MSI2: variants seen among roughly 807,000 people sequenced by gnomAD.
MSI2 encodes the protein musashi RNA binding protein 2, also known as RNA-binding protein Musashi homolog 2.
In MSI2, 17 loss-of-function variants were observed where a neutral mutation model predicts 45.6. The ratio of observed to expected loss-of-function variants is 0.37; its 90% CI spans 0.26 to 0.56. The LOEUF is 0.56. Ranked by LOEUF, MSI2 falls within the 20% of genes least tolerant of loss-of-function variation. The pLI is 0.77. For synonymous variants in MSI2, 156 were observed against 158.2 expected, an observed-to-expected ratio of 0.99 and a Z score of 0.11; for missense variants, 293 against 444.2, an observed-to-expected ratio of 0.66 and a Z score of 3.06.
chr17:57,641,933 G>T (rs1910293723), intron 10 of MSI2, among the ~76,000 whole-genome samples: 3 of 152,238 alleles, frequency 2.0e-5, no homozygotes. Flanking sequence ...CTGCTGGCCA[G>T]AGAGTGACGC....
At chr17:57,583,833 G>A (rs1320242774) in intron 7 of MSI2, among the ~76,000 whole-genome samples, 1 of 152,132 alleles carries the variant, frequency 6.6e-6, no homozygotes, top group Non-Finnish European at 1.5e-5. Flanking sequence ...TACAGATGCT[G>A]GGGTGCTACC....
At chr17:57,369,951 C>T (rs764596878) in intron 5 of MSI2, among the ~76,000 whole-genome samples, 1 of 152,162 alleles carries the variant, frequency 6.6e-6, no homozygotes, top group African/African-American at 2.4e-5. Flanking sequence ...CATTTCTTAA[C>T]AAGAATAGAA....
chr17:57,262,168 A>G lies in MSI2; in HGVS notation c.288A>G (p.Ala96=). ...TTTCCCAGATTGACCCCAAAGTTGC[A>G]TTTCCTCGTCGAGCGCAACCCAAGG... ...LDSKTIDPKV[A]FPRRAQPKMV... Residue 96 remains alanine, a synonymous_variant, in exon 5 of 14, where the codon GCA becomes GCG. Transcript: ENST00000284073. 3 of 1,614,016 alleles carry G rather than the reference A, an allele frequency of 1.9e-6. No homozygotes were observed. Among genetic ancestry groups the G allele is most frequent in the Non-Finnish European group, 1.7e-6 (2 of 1,179,962 alleles).
chr17:57,414,151 C>T (rs1304780997), intron 6 of MSI2, among the ~76,000 whole-genome samples: 2 of 152,170 alleles, frequency 1.3e-5, no homozygotes, highest in Non-Finnish European at 2.9e-5. Context: ...AATGGGAATA[C>T]GGAAGAGGGA....
chr17:57,260,779 C>G (rs1907234547), intron 4 of MSI2, among the ~76,000 whole-genome samples: 1 of 152,088 alleles, frequency 6.6e-6, no homozygotes, highest in Non-Finnish European at 1.5e-5. Context: ...CTTTAAGCCC[C>G]CGTAATAACA....
chr17:57,283,871 G>T (rs1909636928), intron 5 of MSI2, among the ~76,000 whole-genome samples: 1 of 152,220 alleles, frequency 6.6e-6, no homozygotes. Context: ...TGGCAGGTGC[G>T]TGGGGACGCA....
At chr17:57,479,783 C>T (rs2085612358) in intron 6 of MSI2, among the ~76,000 whole-genome samples, 2 of 152,146 alleles carry the variant, frequency 1.3e-5, no homozygotes, top group South Asian at 4.1e-4. Flanking sequence ...CTACTGTGGG[C>T]TAGACAGGCA....
chr17:57,458,263 G>C (rs1291827090), intron 6 of MSI2, among the ~76,000 whole-genome samples: 3 of 152,032 alleles, frequency 2.0e-5, no homozygotes, highest in African/African-American at 7.2e-5. Flanking sequence ...ACCACGCCTG[G>C]CTAATTTTTT....
intron 6 of MSI2, among the ~76,000 whole-genome samples, chr17:57,431,528 A>G (rs561235292): frequency 6.6e-6 from 1 of 152,132 alleles, no homozygotes; most frequent in Non-Finnish European, 1.5e-5. Flanking sequence ...CATGTCTTTT[A>G]TATAACCTGC....
In MSI2 at chr17:57,484,373, C is replaced by T. The variant is rs576584873; in HGVS notation, c.406-45303C>T. 6.4e-4 allele frequency among the ~76,000 whole-genome samples: 98 copies of T among 152,314 alleles called. 1 individual carries two copies. The South Asian group carries it at 0.019, about 30-fold the overall frequency. Reference sequence around the variant, plus strand: ...CTTGGAAGGCCAGTGATTTCCTGGACGTTTCACCTGGAATGTTCTGTAGAT... The same window carrying T: ...CTTGGAAGGCCAGTGATTTCCTGGATGTTTCACCTGGAATGTTCTGTAGAT... On this transcript the variant is annotated intron_variant, in intron 6 of 13. Transcript: ENST00000284073.
intron 10 of MSI2, chr17:57,631,816 AAT>A (rs1207870001): frequency 1.9e-6 from 3 of 1,613,574 alleles, no homozygotes; most frequent in African/African-American, 2.7e-5. Flanking sequence ...CACAAGACAT[AAT>A]TTTTATCAAC....
At chr17:57,561,669 A>T (rs2087578865) in intron 7 of MSI2, among the ~76,000 whole-genome samples, 1 of 152,190 alleles carries the variant, frequency 6.6e-6, no homozygotes. Context: ...TGTGAGGACG[A>T]CAGAAAGGTA....
intron 6 of MSI2, among the ~76,000 whole-genome samples, chr17:57,479,365 T>C (rs1312759584): frequency 6.6e-6 from 1 of 152,198 alleles, no homozygotes; most frequent in Non-Finnish European, 1.5e-5. Context: ...TTCCTTCTTA[T>C]GTCATCATAT....
At chr17:57,617,028 C>G (rs1374459844) in intron 9 of MSI2, among the ~76,000 whole-genome samples, 1 of 152,094 alleles carries the variant, frequency 6.6e-6, no homozygotes, top group African/African-American at 2.4e-5. Context: ...TTTGATAAGC[C>G]CTTTCTATAT....
chr17:57,345,606 G>A (rs928308430), intron 5 of MSI2, among the ~76,000 whole-genome samples: 1 of 152,062 alleles, frequency 6.6e-6, no homozygotes, highest in African/African-American at 2.4e-5. Context: ...ATCACCTGAG[G>A]TCAGGAGTTC....
chr17:57,417,600 G>A (rs2084318910), intron 6 of MSI2, among the ~76,000 whole-genome samples: 1 of 152,092 alleles, frequency 6.6e-6, no homozygotes. Context: ...ACCCATGAGT[G>A]GAACGGTAGA....
intron 5 of MSI2, among the ~76,000 whole-genome samples, chr17:57,353,614 G>C (rs1190542524): frequency 1.3e-5 from 2 of 152,180 alleles, no homozygotes; most frequent in Non-Finnish European, 2.9e-5. Flanking sequence ...TCTTGTAGGA[G>C]CATTTGCTGA....
At chr17:57,581,887 T>C (rs1053542388) in intron 7 of MSI2, among the ~76,000 whole-genome samples, 1 of 152,244 alleles carries the variant, frequency 6.6e-6, no homozygotes, top group Non-Finnish European at 1.5e-5. Context: ...AGAATGCTAA[T>C]AGAATAAAAT....
At chr17:57,568,567 G>T (rs570584407) in intron 7 of MSI2, among the ~76,000 whole-genome samples, 5 of 152,342 alleles carry the variant, frequency 3.3e-5, no homozygotes, top group African/African-American at 9.6e-5. Context: ...CTTTCTTGCT[G>T]ATTAATGGCT....
Sources: gnomAD v4.1 joint callset for allele counts (sites outside exome capture counted in the v4.1 genomes callset) on GRCh38, gnomAD v4.1.1 for gene constraint, MANE v1.5 for transcripts, NCBI Gene and HGNC (gene_info 2026-07-23, HGNC 2026-07-21) for gene names.